Variants in CPNE2 observed in about 807,000 individuals in gnomAD.
The protein encoded by CPNE2 is copine-2.
Under a neutral mutation model 69.7 loss-of-function variants are expected in CPNE2, and 42 were observed. The observed-to-expected ratio is 0.60, with a 90% CI of 0.47 to 0.78. CPNE2 has a LOEUF of 0.78. Ranked by LOEUF, CPNE2 falls within the 30% of genes least tolerant of loss-of-function variation. The pLI, the probability that CPNE2 is intolerant of heterozygous loss-of-function variation, is 0.00. For missense variants in CPNE2, 587 were observed against 732.0 expected (o/e 0.80, Z 2.29); for synonymous variants, 294 against 289.8 (o/e 1.01, Z -0.15).
At chr16:57,093,535 C>G (rs1281085639) in intron 1 of CPNE2, among the ~76,000 whole-genome samples, 1 of 152,054 alleles carries the variant, frequency 6.6e-6, no homozygotes. Context: ...TCCACGTCCC[C>G]CCGAGTTCAA....
At chr16:57,103,780 A>C (rs1029987706) in intron 1 of CPNE2, among the ~76,000 whole-genome samples, 1 of 152,150 alleles carries the variant, frequency 6.6e-6, no homozygotes, top group Non-Finnish European at 1.5e-5. Flanking sequence ...CGGGTTCTAC[A>C]TCGCGGTGGG....
rs114245942 is a variant in CPNE2, at chr16:57,115,729, G to A, written c.435+179G>A. ...TGCTGGCTCCACAAATGATGCAGTG[G>A]GGGCTGACAAGCTGGGGAGGCCTCC... On this transcript the variant is annotated intron_variant, in intron 4 of 15. Transcript: ENST00000290776. 2.4e-3 allele frequency among the ~76,000 whole-genome samples: 364 copies of A among 152,320 alleles called. 1 individual carries two copies. The highest frequency in any genetic ancestry group is 0.014 in the Middle Eastern group (4 of 294).
At chr16:57,124,366 G>C (rs1234986922) in intron 10 of CPNE2, 1 of 456,362 alleles carries the variant, frequency 2.2e-6, no homozygotes, top group Non-Finnish European at 4.4e-6. Context: ...ACAGGCATGA[G>C]TCACTGGGCC....
intron 1 of CPNE2, chr16:57,106,264 G>C (rs1385157889): frequency 6.8e-6 from 1 of 146,170 alleles, no homozygotes; most frequent in African/African-American, 2.5e-5. Flanking sequence ...GGCCTGAGCC[G>C]ATCCAGGTGG....
At chr16:57,142,052 C>T (rs1379837558) in intron 14 of CPNE2, 1 of 152,332 alleles carries the variant, frequency 6.6e-6, no homozygotes, top group Non-Finnish European at 1.5e-5. Context: ...GTGGAAGCCT[C>T]TCTCTAGGCA....
intron 1 of CPNE2, among the ~76,000 whole-genome samples, chr16:57,100,555 A>G (rs1355882760): frequency 6.6e-6 from 1 of 152,240 alleles, no homozygotes; most frequent in Non-Finnish European, 1.5e-5. Context: ...CCAGAGTCAC[A>G]TTAGTGGAGG....
intron 4 of CPNE2, among the ~76,000 whole-genome samples, chr16:57,116,200 C>T (rs2069718172): frequency 6.6e-6 from 1 of 152,122 alleles, no homozygotes; most frequent in African/African-American, 2.4e-5. Context: ...CTGTGAAGGA[C>T]CCCTCAGACC....
At position 57,116,530 on chromosome 16, in the gene CPNE2, C is replaced by A. The variant is rs183733824; in HGVS notation, c.436-966C>A. Among the ~76,000 whole-genome samples the A allele has an allele frequency of 3.3e-5, 5 of 152,252 alleles. No individual in the cohort carries two copies. In the South Asian group the frequency reaches 1.0e-3, roughly 32 times the overall value. On this transcript the variant is annotated intron_variant, in intron 4 of 15. Transcript: ENST00000290776. ...TCATGCTACTGCCCTCCAGCCTGGG[C>A]AAGAGAGTGAAACCCCATCTCTGAA... is the stretch of plus-strand genomic sequence containing the variant.
In CPNE2 at chr16:57,121,281, G is replaced by A. The variant is rs1369511954; in HGVS notation, c.780+90G>A. The A allele has an allele frequency of 4.6e-6, 5 of 1,084,782 alleles. No homozygotes were observed. The Admixed American group carries it at 1.1e-4, about 24-fold the overall frequency. The allele number at this position is 1,084,782 out of a possible 1,614,324, so 67.2% of individuals were successfully genotyped here. ...CTTGGGTCAGGCAGCCTGGGGCTGA[G>A]ATCCCCCTTCTGGCTGCATGACCTT... On this transcript the variant is annotated intron_variant, in intron 8 of 15. Coordinates refer to ENST00000290776, the MANE Select transcript of CPNE2 (RefSeq NM_152727.6).
intron 1 of CPNE2, among the ~76,000 whole-genome samples, chr16:57,104,636 T>C (rs2069637168): frequency 6.6e-6 from 1 of 152,158 alleles, no homozygotes; most frequent in Non-Finnish European, 1.5e-5. Context: ...GAAACAGTGA[T>C]GATGTCCTCC....
chr16:57,137,164 C>G lies in CPNE2; in HGVS notation c.1184C>G (p.Ala395Gly). The change falls in exon 14 of 16, where the codon GCC becomes GGC. Residue 395 changes from alanine (A) to glycine (G), a missense_variant. Coordinates refer to ENST00000290776, the MANE Select transcript of CPNE2 (RefSeq NM_152727.6). ...NPFCSGVDGI[A>G]QAYSACLPHI... ...CCCGAGGCAGGTGTGGATGGTATTG[C>G]CCAGGCGTACTCAGCTTGCCTGCCC... 6.2e-7 allele frequency: 1 copy of G among 1,614,032 alleles called. No homozygotes were observed. Among genetic ancestry groups the G allele is most frequent in the East Asian group, 2.2e-5 (1 of 44,898 alleles).
At chr16:57,126,070 G>A in intron 11 of CPNE2, 77 bp downstream of exon 11, 1 of 1,561,936 alleles carries the variant, frequency 6.4e-7, no homozygotes, top group Non-Finnish European at 8.7e-7. Flanking sequence ...AAAGCTAGAA[G>A]GGACCCAGAG....
At chr16:57,113,051 C>A in intron 2 of CPNE2, 1 of 456,358 alleles carries the variant, frequency 2.2e-6, no homozygotes. Flanking sequence ...AGAGTCAGAC[C>A]TCGGTTTCAA....
intron 13 of CPNE2, among the ~76,000 whole-genome samples, chr16:57,136,260 G>T (rs1287920152): frequency 6.6e-6 from 1 of 152,204 alleles, no homozygotes; most frequent in African/African-American, 2.4e-5. Context: ...ATTTGGGGTA[G>T]ATCTCCAGAG....
chr16:57,135,228 C>T (rs908300289), intron 13 of CPNE2, among the ~76,000 whole-genome samples: 4 of 152,104 alleles, frequency 2.6e-5, no homozygotes, highest in Non-Finnish European at 4.4e-5. Flanking sequence ...CCTTCCCACC[C>T]GCCCCCTTGC....
intron 1 of CPNE2, among the ~76,000 whole-genome samples, chr16:57,109,167 C>T (rs1288126108): frequency 6.6e-6 from 1 of 152,074 alleles, no homozygotes; most frequent in Non-Finnish European, 1.5e-5. Context: ...AAAGTGAAAG[C>T]AAATTTATTA....
intron 1 of CPNE2, among the ~76,000 whole-genome samples, chr16:57,102,196 T>C (rs4784765): frequency 0.069 from 10,491 of 152,152 alleles, 631 homozygotes; most frequent in African/African-American, 0.14. Flanking sequence ...GAGATCCACC[T>C]GCCTCGGCCT....
chr16:57,104,943 G>C (rs1344690117), intron 1 of CPNE2, among the ~76,000 whole-genome samples: 1 of 152,220 alleles, frequency 6.6e-6, no homozygotes, highest in Non-Finnish European at 1.5e-5. Flanking sequence ...AGGGTGGCAG[G>C]AAGTGGGGAC....
Position 57,103,504 on chromosome 16 carries a change from C to T in CPNE2, c.-35-7204C>T, listed in dbSNP as rs543787195. On this transcript the variant is annotated intron_variant, in intron 1 of 15. Coordinates refer to ENST00000290776, the MANE Select transcript of CPNE2 (RefSeq NM_152727.6). ...GCCCTTGCTAGAATTTACGACAGGA[C>T]ATCCCACTGTGGTCCCAGCTCCTCC... is the stretch of plus-strand genomic sequence containing the variant. Among the ~76,000 whole-genome samples the T allele has an allele frequency of 1.1e-4, 17 of 152,320 alleles. No homozygotes were observed. In the South Asian group the frequency reaches 2.1e-3, roughly 19 times the overall value.
Sources: gnomAD v4.1 joint callset for allele counts (sites outside exome capture counted in the v4.1 genomes callset) on GRCh38, gnomAD v4.1.1 for gene constraint, MANE v1.5 for transcripts, NCBI Gene and HGNC (gene_info 2026-07-23, HGNC 2026-07-21) for gene names.